The following VWDE variants were observed in gnomAD, a reference collection of about 807,000 sequenced individuals.
VWDE encodes the protein von Willebrand factor D and EGF domains, also known as von Willebrand factor D and EGF domain-containing protein.
Under a neutral mutation model 178.4 loss-of-function variants are expected in VWDE, and 207 were observed. The observed-to-expected ratio is 1.16, with a 90% confidence interval of 1.04 to 1.30. The LOEUF (loss-of-function observed/expected upper bound fraction) is 1.30. VWDE is among the 50% of genes most tolerant of loss of function. VWDE has a pLI of 0.00. For missense variants in VWDE, 2,287 were observed against 1,901.3 expected, an observed-to-expected ratio of 1.20 and a Z score of -3.77; for synonymous variants, 738 against 651.4, an observed-to-expected ratio of 1.13 and a Z score of -2.02.
chr7:12,381,625 GAATT>G (rs1479669706), intron 4 of VWDE, among the ~76,000 whole-genome samples: 1 of 151,890 alleles, frequency 6.6e-6, no homozygotes, highest in Non-Finnish European at 1.5e-5. Flanking sequence ...AATGACAAAT[GAATT>G]ATTTTCAAAT....
chr7:12,340,174 T>C (rs1781248239), intron 24 of VWDE, 148 bp downstream of exon 24: 1 of 622,584 alleles, frequency 1.6e-6, no homozygotes, highest in African/African-American at 1.9e-5. Context: ...TGTAAGCTAG[T>C]AATTTGGTGG....
At chr7:12,402,475 A>C (rs1583368218) in intron 1 of VWDE, among the ~76,000 whole-genome samples, 1 of 152,212 alleles carries the variant, frequency 6.6e-6, no homozygotes, top group Non-Finnish European at 1.5e-5. Flanking sequence ...GTAATGGGTA[A>C]TATTTGTCTT....
intron 9 of VWDE, among the ~76,000 whole-genome samples, chr7:12,374,386 G>A (rs1783392578): frequency 6.6e-6 from 1 of 151,918 alleles, no homozygotes; most frequent in African/African-American, 2.4e-5. Flanking sequence ...CATCTTTAGA[G>A]TAAATAATTT....
At chr7:12,354,375 A>G (rs1482405923) in intron 18 of VWDE, 1 of 434,708 alleles carries the variant, frequency 2.3e-6, no homozygotes, top group Admixed American at 2.7e-5. Context: ...CATCCCCATA[A>G]AATCCTTCTG....
intron 19 of VWDE, among the ~76,000 whole-genome samples, chr7:12,350,549 T>C (rs931910416): frequency 6.6e-6 from 1 of 152,106 alleles, no homozygotes; most frequent in African/African-American, 2.4e-5. Context: ...TAGTGAAACA[T>C]GAGAAGAATT....
In VWDE at chr7:12,394,200, T is replaced by G. The variant is rs181631177; in HGVS notation, c.59-422A>C. ...CAAAGTAGCCACATGCCTAAAAAATTCTATTTCTGCCAAATCATGGAATGC... is the reference window on the plus strand; with the variant it reads ...CAAAGTAGCCACATGCCTAAAAAATGCTATTTCTGCCAAATCATGGAATGC... On this transcript the variant is annotated intron_variant, in intron 1 of 28. Transcript: ENST00000275358. Among the ~76,000 whole-genome samples the G allele has an allele frequency of 1.5e-3, 235 of 152,250 alleles. 3 individuals are homozygous for G. Among genetic ancestry groups the G allele is most frequent in the Admixed American group, 0.013 (192 of 15,278 alleles).
intron 27 of VWDE, among the ~76,000 whole-genome samples, chr7:12,335,146 C>T (rs1438600681): frequency 6.6e-6 from 1 of 152,120 alleles, no homozygotes; most frequent in East Asian, 1.9e-4. Context: ...CATAATAAAT[C>T]TGTGTAATTT....
In VWDE at chr7:12,380,747, G is replaced by C. The variant is rs964950571; in HGVS notation, c.542-14C>G. The stretch of plus-strand genomic sequence containing the variant: ...CAGCCAGCTGACCTGGGGAGAAAAT[G>C]CATAATTTGTAACTGGGAATCTTAG... On this transcript the variant is annotated splice_polypyrimidine_tract_variant and intron_variant, in intron 4 of 28. Coordinates refer to ENST00000275358, the MANE Select transcript of VWDE (RefSeq NM_001135924.3). 3 of 1,550,170 alleles carry C rather than the reference G, an allele frequency of 1.9e-6. No individual in the cohort carries two copies. The African/African-American group carries it at 4.1e-5, about 21-fold the overall frequency.
At chr7:12,384,861 A>G (rs942340349) in intron 3 of VWDE, among the ~76,000 whole-genome samples, 1 of 152,114 alleles carries the variant, frequency 6.6e-6, no homozygotes, top group South Asian at 2.1e-4. Context: ...TTAGTATTTA[A>G]ACTAAAAGAC....
At chr7:12,377,323 T>C (rs1459076405) in intron 7 of VWDE, among the ~76,000 whole-genome samples, 1 of 152,166 alleles carries the variant, frequency 6.6e-6, no homozygotes, top group Non-Finnish European at 1.5e-5. Flanking sequence ...GGAGAGAAAC[T>C]TGAAGGATGC....
Position 12,369,572 on chromosome 7 carries a change from T to A in VWDE, c.2734A>T (p.Ser912Cys). ...EWGCACSPSF[S>C]SYDCSDSYDK... ...TAGGAATCACTGCAGTCATAGGAAC[T>A]AAAGCTTGGGGAACACGCACACCCC... Residue 912 changes from serine (S) to cysteine (C), a missense_variant, in exon 12 of 29, where the codon AGT becomes TGT. Ser to Cys is a moderately radical substitution (Grantham distance 112, BLOSUM62 -1). Coordinates refer to ENST00000275358, the MANE Select transcript of VWDE (RefSeq NM_001135924.3). The A allele has an allele frequency of 2.6e-6, 4 of 1,542,366 alleles. No individual in the cohort carries two copies. The highest frequency in any genetic ancestry group is 3.5e-6 in the Non-Finnish European group (4 of 1,139,796).
chr7:12,347,174 C>T (rs1781651095), intron 19 of VWDE, among the ~76,000 whole-genome samples: 2 of 152,084 alleles, frequency 1.3e-5, no homozygotes, highest in African/African-American at 4.8e-5. Flanking sequence ...AAGTCAGTGT[C>T]CCATTCCCTC....
At chr7:12,374,434 A>G (rs1286071367) in intron 9 of VWDE, among the ~76,000 whole-genome samples, 2 of 152,072 alleles carry the variant, frequency 1.3e-5, no homozygotes, top group Non-Finnish European at 2.9e-5. Flanking sequence ...AGCAAAAAAG[A>G]TTCTCTGCAT....
chr7:12,337,522 T>C (rs73292363), intron 24 of VWDE, among the ~76,000 whole-genome samples: 2,832 of 152,270 alleles, frequency 0.019, 81 homozygotes, highest in African/African-American at 0.064. Context: ...TCTTTCATAT[T>C]ACAATGAATA....
chr7:12,391,015 C>T (rs1475136555), intron 2 of VWDE, among the ~76,000 whole-genome samples: 1 of 151,992 alleles, frequency 6.6e-6, no homozygotes, highest in Admixed American at 6.6e-5. Flanking sequence ...AAATATGATA[C>T]ATGTATGACA....
intron 3 of VWDE, among the ~76,000 whole-genome samples, chr7:12,384,901 A>G (rs896303080): frequency 2.0e-5 from 3 of 152,140 alleles, no homozygotes; most frequent in Non-Finnish European, 2.9e-5. Flanking sequence ...GGGATATAGT[A>G]TACATTTTTA....
intron 10 of VWDE, among the ~76,000 whole-genome samples, chr7:12,372,043 T>C (rs1452851763): frequency 3.9e-5 from 6 of 152,138 alleles, no homozygotes; most frequent in Non-Finnish European, 8.8e-5. Flanking sequence ...ATGTACTATC[T>C]CTACGCTTCC....
rs763674164 is a variant in VWDE at position 12,383,535 on chromosome 7, C to A, written c.541+1G>T. The A allele has an allele frequency of 1.4e-5, 21 of 1,549,648 alleles. No individual in the cohort carries two copies. Among genetic ancestry groups the A allele is most frequent in the Middle Eastern group, 3.3e-4 (2 of 5,984 alleles). ...TTAAAAAAGCAAAATATGATACTTA[C>A]GAACACAATCACCTCCTGTTTCAGT... On this transcript the variant is annotated splice_donor_variant, in intron 4 of 28. Transcript: ENST00000275358. LOFTEE classifies it high-confidence loss of function.
chr7:12,389,661 T>C (rs1784286308), intron 2 of VWDE, among the ~76,000 whole-genome samples: 1 of 152,196 alleles, frequency 6.6e-6, no homozygotes, highest in Non-Finnish European at 1.5e-5. Flanking sequence ...CTTACTAAAA[T>C]AGCTGATACA....
Sources: allele counts gnomAD v4.1 joint callset (sites outside exome capture counted in the v4.1 genomes callset), GRCh38; gene constraint gnomAD v4.1.1; transcripts MANE v1.5; gene names NCBI Gene and HGNC (gene_info 2026-07-23, HGNC 2026-07-21).